Variants in WSCD2 observed in about 807,000 individuals in gnomAD.
WSCD2 encodes sialate:O-sulfotransferase 2.
WSCD2 carries 28 observed loss-of-function variants against 55.7 expected under a neutral mutation model. That is an observed-to-expected ratio of 0.50 (90% CI 0.37 to 0.69). The LOEUF (loss-of-function observed/expected upper bound fraction) is 0.69, where lower values mean the gene tolerates loss of function less well. Among genes scored for constraint, WSCD2 ranks in the 30% least tolerant of loss-of-function variants. The probability of loss-of-function intolerance (pLI) is 0.00; values close to 1 mark genes in which losing one functional copy is unlikely to be tolerated. For synonymous variants in WSCD2, 301 were observed against 301.9 expected, an observed-to-expected ratio of 1.00 and a Z score of 0.03; for missense variants, 616 against 762.1, an observed-to-expected ratio of 0.81 and a Z score of 2.26.
At chr12:108,243,954 C>A (rs1889926877) in intron 8 of WSCD2, among the ~76,000 whole-genome samples, 1 of 152,180 alleles carries the variant, frequency 6.6e-6, no homozygotes, top group Admixed American at 6.5e-5. Context: ...TTTACAATCT[C>A]CCTAGAGTGA....
At chr12:108,242,998 G>A (rs1247551546) in intron 8 of WSCD2, among the ~76,000 whole-genome samples, 1 of 152,256 alleles carries the variant, frequency 6.6e-6, no homozygotes, top group Non-Finnish European at 1.5e-5. Flanking sequence ...ACCCAGGCAT[G>A]CAAGGGCTCT....
At position 108,200,959 on chromosome 12, in the gene WSCD2, A is replaced by C. The variant is rs181154822; in HGVS notation, c.382+4745A>C. Reference sequence around the variant, plus strand: ...TGGAGGGACCACCTTCCAGTGTTTCAGAGAATCCCCAGAAGGAGAAAAAGT... The same window carrying C: ...TGGAGGGACCACCTTCCAGTGTTTCCGAGAATCCCCAGAAGGAGAAAAAGT... On this transcript the variant is annotated intron_variant, in intron 2 of 8. Transcript: ENST00000547525. Among the ~76,000 whole-genome samples the C allele has an allele frequency of 1.9e-4, 29 of 152,346 alleles. No homozygotes were observed. In the East Asian group the frequency reaches 5.0e-3, roughly 26 times the overall value.
At chr12:108,173,160 C>G (rs1289127869) in intron 1 of WSCD2, among the ~76,000 whole-genome samples, 1 of 152,166 alleles carries the variant, frequency 6.6e-6, no homozygotes, top group Non-Finnish European at 1.5e-5. Context: ...GGCTAAGACA[C>G]AAGACATGGC....
chr12:108,213,743 G>T (rs923659659), intron 4 of WSCD2, among the ~76,000 whole-genome samples: 73 of 152,292 alleles, frequency 4.8e-4, no homozygotes, highest in Middle Eastern at 6.8e-3. Flanking sequence ...TTTTTCCAAG[G>T]CTACTGTGCC....
chr12:108,144,765 C>G (rs983108854), intron 1 of WSCD2, among the ~76,000 whole-genome samples: 2 of 152,198 alleles, frequency 1.3e-5, no homozygotes, highest in African/African-American at 4.8e-5. Context: ...TGAGCACTCA[C>G]TCCATACCAG....
At chr12:108,166,734 T>C (rs1305167049) in intron 1 of WSCD2, among the ~76,000 whole-genome samples, 1 of 71,022 alleles carries the variant, frequency 1.4e-5, no homozygotes, top group Non-Finnish European at 3.4e-5. Context: ...TTCTCTTTCT[T>C]TCTTTCTTTC....
chr12:108,245,616 TG>T (rs956323653), intron 8 of WSCD2, among the ~76,000 whole-genome samples: 2 of 152,230 alleles, frequency 1.3e-5, no homozygotes, highest in African/African-American at 4.8e-5. Context: ...GTGTTGTTGC[TG>T]GGTGCTGGGT....
chr12:108,179,607 T>C (rs1672769960), intron 1 of WSCD2, among the ~76,000 whole-genome samples: 1 of 152,182 alleles, frequency 6.6e-6, no homozygotes, highest in Non-Finnish European at 1.5e-5. Context: ...ATCCAGACGA[T>C]CATCCAGGAC....
At chr12:108,228,897 G>A (rs1352399400) in intron 6 of WSCD2, among the ~76,000 whole-genome samples, 1 of 152,158 alleles carries the variant, frequency 6.6e-6, no homozygotes, top group Admixed American at 6.5e-5. Context: ...TTAGCTTTCG[G>A]GGAAGTGCTG....
At chr12:108,220,983 G>C (rs1163992602) in intron 4 of WSCD2, among the ~76,000 whole-genome samples, 1 of 152,162 alleles carries the variant, frequency 6.6e-6, no homozygotes, top group Non-Finnish European at 1.5e-5. Context: ...GCCTCCCTCA[G>C]CCTCCTCAGT....
At chr12:108,188,737 C>T (rs1882816542) in intron 1 of WSCD2, among the ~76,000 whole-genome samples, 1 of 152,066 alleles carries the variant, frequency 6.6e-6, no homozygotes, top group Non-Finnish European at 1.5e-5. Flanking sequence ...TCTTCAGGCT[C>T]AGAAAGGTTC....
chr12:108,157,243 C>T (rs557664043), intron 1 of WSCD2, among the ~76,000 whole-genome samples: 10 of 152,290 alleles, frequency 6.6e-5, no homozygotes, highest in South Asian at 2.1e-4. Context: ...ATACTCTTTC[C>T]GCTCTGTCCT....
Position 108,195,676 on chromosome 12 carries a change from T to A in WSCD2, c.-157T>A. 1 of 1,052,040 alleles carries A rather than the reference T, an allele frequency of 9.5e-7. No individual in the cohort carries two copies. Among genetic ancestry groups the A allele is most frequent in the Admixed American group, 2.9e-5 (1 of 34,238 alleles). 65.2% of individuals were successfully genotyped at this position (1,052,040 alleles called of 1,614,324 possible). Reference sequence around the variant, plus strand: ...CCTCAGCCAAGCATTGAACTTGCCCTCCCCTTCTGGCCTTGGTGATCACTT... The same window carrying A: ...CCTCAGCCAAGCATTGAACTTGCCCACCCCTTCTGGCCTTGGTGATCACTT... On this transcript the variant is annotated 5_prime_UTR_variant, in exon 2 of 9. Coordinates refer to ENST00000547525, the MANE Select transcript of WSCD2 (RefSeq NM_014653.4).
rs574643308 is a variant in WSCD2, at chr12:108,152,427, G to A, written c.-552+22501G>A. Among the ~76,000 whole-genome samples, 7 of 152,156 alleles carry A rather than the reference G, an allele frequency of 4.6e-5. No individual in the cohort carries two copies. The South Asian group carries it at 6.2e-4, about 14-fold the overall frequency. On this transcript the variant is annotated intron_variant, in intron 1 of 8. Transcript: ENST00000547525. ...GGGCTCCCACAGGCTCCAGCCAGGC[G>A]CTGGACACAATCAGAAACCCACGAT...
At chr12:108,232,956 T>G in intron 7 of WSCD2, 61 bp downstream of exon 7, 4 of 1,582,188 alleles carry the variant, frequency 2.5e-6, no homozygotes, top group Non-Finnish European at 3.4e-6. Context: ...GGTCCCCACT[T>G]GGAGGGTATG....
rs1290412170 is a variant in WSCD2 at position 108,212,611 on chromosome 12, T to TCACA, written c.682+2307_682+2308insACAC. ...CCATTTCTCTCTCTCTCTCTCTCTCTCTCACACACACACACACACACACAT... is the reference window on the plus strand; with the variant it reads ...CCATTTCTCTCTCTCTCTCTCTCTCTCACACTCACACACACACACACACACACAT... On this transcript the variant is annotated intron_variant, in intron 4 of 8. Coordinates refer to ENST00000547525, the MANE Select transcript of WSCD2 (RefSeq NM_014653.4). 2.7e-5 allele frequency among the ~76,000 whole-genome samples: 3 copies of TCACA among 110,636 alleles called. No individual in the cohort carries two copies. The Admixed American group carries it at 2.9e-4, about 11-fold the overall frequency. 72.6% of individuals were successfully genotyped at this position (110,636 alleles called of 152,430 possible). A position where few individuals can be genotyped will look rare whatever the true frequency, so the allele number is the denominator to read the frequency against.
chr12:108,196,130 G>A lies in WSCD2; in HGVS notation c.298G>A (p.Glu100Lys), dbSNP rs1271178172. The part of the protein sequence containing the change: ...GPWFKGKDGN[E>K]RAKLGDYGGA... ...CTGGTTCAAGGGCAAGGATGGGAAT[G>A]AGAGAGCCAAGCTTGGCGACTACGG... The change falls in exon 2 of 9, where the codon GAG becomes AAG. Residue 100 changes from glutamate to lysine, a missense_variant. Physicochemically the swap from Glu to Lys is moderately conservative, Grantham distance 56. This residue lies in a region of WSCD2 where 374 missense variants were observed against 467.4 expected (regional missense o/e 0.80). Transcript: ENST00000547525. 2 of 1,614,212 alleles carry A rather than the reference G, an allele frequency of 1.2e-6. No homozygotes were observed. Among genetic ancestry groups the A allele is most frequent in the Non-Finnish European group, 1.7e-6 (2 of 1,180,046 alleles).
chr12:108,229,031 A>G (rs1304802627), intron 6 of WSCD2, among the ~76,000 whole-genome samples: 2 of 152,322 alleles, frequency 1.3e-5, no homozygotes, highest in South Asian at 4.1e-4. Context: ...TTCAACGCAG[A>G]TAACAATTCC....
At chr12:108,185,067 T>C (rs1455754169) in intron 1 of WSCD2, among the ~76,000 whole-genome samples, 2 of 152,188 alleles carry the variant, frequency 1.3e-5, no homozygotes, top group African/African-American at 2.4e-5. Context: ...ATACTTTCTG[T>C]AAAAGGCTAG....
Sources: allele counts gnomAD v4.1 joint callset (sites outside exome capture counted in the v4.1 genomes callset), GRCh38; gene constraint gnomAD v4.1.1; regional missense constraint gnomAD v4.1.1; transcripts MANE v1.5; gene names NCBI Gene and HGNC (gene_info 2026-07-23, HGNC 2026-07-21).